The following MED17 variants were observed in gnomAD, a reference collection of about 807,000 sequenced individuals.
MED17 encodes mediator of RNA polymerase II transcription subunit 17.
MED17 carries 49 observed loss-of-function variants against 80.8 expected under a neutral mutation model. That is an observed-to-expected ratio of 0.61 (90% CI 0.48 to 0.77). The LOEUF (loss-of-function observed/expected upper bound fraction) is 0.77. Among genes scored for constraint, MED17 ranks in the 30% least tolerant of loss-of-function variants. The pLI is 0.00. For synonymous variants in MED17, 281 were observed against 280.4 expected (o/e 1.00, Z -0.02); for missense variants, 718 against 787.0 (o/e 0.91, Z 1.05).
chr11:93,805,869 C>T (rs994894967), intron 9 of MED17, among the ~76,000 whole-genome samples: 7 of 150,648 alleles, frequency 4.6e-5, no homozygotes, highest in African/African-American at 4.9e-5. Flanking sequence ...GAGGCTGAGG[C>T]GGGAGGATCA....
chr11:93,799,455 C>T (rs927901486), intron 8 of MED17, among the ~76,000 whole-genome samples: 1 of 152,108 alleles, frequency 6.6e-6, no homozygotes, highest in Non-Finnish European at 1.5e-5. Context: ...GGATTACAGG[C>T]GTGGGCCACC....
At chr11:93,791,771 A>G (rs928722530) in intron 3 of MED17, among the ~76,000 whole-genome samples, 3 of 152,146 alleles carry the variant, frequency 2.0e-5, no homozygotes, top group Admixed American at 6.6e-5. Context: ...AAAACAAACA[A>G]ACAAAAAAAC....
chr11:93,808,398 T>C (rs967458689), intron 10 of MED17: 5 of 148,344 alleles, frequency 3.4e-5, no homozygotes, highest in Non-Finnish European at 7.4e-5. Flanking sequence ...AAAAAGGTGA[T>C]GTGTTCTAGT....
intron 1 of MED17, among the ~76,000 whole-genome samples, chr11:93,786,438 C>T (rs1943770927): frequency 6.6e-6 from 1 of 151,894 alleles, no homozygotes; most frequent in South Asian, 2.1e-4. Flanking sequence ...TTAATATGTG[C>T]CAACATTTAA....
At chr11:93,809,229 A>G in intron 10 of MED17, 1 of 264,424 alleles carries the variant, frequency 3.8e-6, no homozygotes, top group Non-Finnish European at 7.4e-6. Flanking sequence ...CAACCAGCCT[A>G]GACAACCTCA....
intron 7 of MED17, chr11:93,796,972 G>T: frequency 4.3e-6 from 1 of 235,126 alleles, no homozygotes; most frequent in Admixed American, 5.2e-5. Context: ...AAATTTCATA[G>T]AATTATATAT....
Position 93,807,655 on chromosome 11 carries a change from TCTTAAGCCCC to T in MED17, c.1584+24_1584+33del. 1.4e-6 allele frequency: 2 copies of T among 1,386,758 alleles called. No individual in the cohort carries two copies. Among genetic ancestry groups the T allele is most frequent in the Non-Finnish European group, 2.1e-6 (2 of 973,226 alleles). 85.9% of individuals were successfully genotyped at this position (1,386,758 alleles called of 1,614,324 possible). A position where few individuals can be genotyped will look rare whatever the true frequency, so the allele number is the denominator to read the frequency against. ...TCTCAGGTAACAGTTGCAGATTTTG[TCTTAAGCCCC>T]CTTCTTCGCATAGCTACTTAAAGAA... On this transcript the variant is annotated intron_variant, in intron 10 of 11. Transcript: ENST00000251871.
At chr11:93,803,280 A>G (rs921509052) in intron 9 of MED17, among the ~76,000 whole-genome samples, 2 of 152,206 alleles carry the variant, frequency 1.3e-5, no homozygotes, top group Admixed American at 1.3e-4. Flanking sequence ...GATTTTTCCT[A>G]TGTACAGTCA....
At position 93,793,711 on chromosome 11, in the gene MED17, T is replaced by G; in HGVS notation, c.638-17T>G. 6.6e-7 allele frequency: 1 copy of G among 1,520,282 alleles called. No homozygotes were observed. Among genetic ancestry groups the G allele is most frequent in the South Asian group, 1.1e-5 (1 of 88,724 alleles). The allele number at this position is 1,520,282 out of a possible 1,614,324, so 94.2% of individuals were successfully genotyped here. A position where few individuals can be genotyped will look rare whatever the true frequency, so the allele number is the denominator to read the frequency against. On this transcript the variant is annotated splice_polypyrimidine_tract_variant and intron_variant, in intron 3 of 11. Transcript: ENST00000251871. ...TGTTAACTGTTTTATATTTTCCTATTTTTAATACAACATTAGGATCTCTCT... is the reference window on the plus strand; with the variant it reads ...TGTTAACTGTTTTATATTTTCCTATGTTTAATACAACATTAGGATCTCTCT...
At chr11:93,797,195 T>G in intron 7 of MED17, 1 of 269,320 alleles carries the variant, frequency 3.7e-6, no homozygotes. Flanking sequence ...ACTTGTAAAA[T>G]AAAAATTAAA....
chr11:93,792,155 T>C (rs972198046), intron 3 of MED17, among the ~76,000 whole-genome samples: 1 of 152,108 alleles, frequency 6.6e-6, no homozygotes, highest in Non-Finnish European at 1.5e-5. Flanking sequence ...AGGCAAGAAG[T>C]CTTGGCTTTG....
chr11:93,796,512 A>G lies in MED17; in HGVS notation c.1115A>G (p.Glu372Gly). The G allele has an allele frequency of 6.2e-7, 1 of 1,614,124 alleles. No individual in the cohort carries two copies. Reference sequence around the variant, plus strand: ...CCGGAGGACCACCTTTATGTCCTAGAGCATAATTTGCATCTACTGATTAGA... The same window carrying G: ...CCGGAGGACCACCTTTATGTCCTAGGGCATAATTTGCATCTACTGATTAGA... ...QCPEDHLYVL[E>G]HNLHLLIREF... is the part of the protein sequence containing the mutation. Residue 372 changes from glutamate to glycine, a missense_variant, in exon 7 of 12, where the codon GAG (glutamate) becomes GGG (glycine). Coordinates refer to ENST00000251871, the MANE Select transcript of MED17 (RefSeq NM_004268.5).
intron 11 of MED17, chr11:93,810,122 A>G (rs930454727): frequency 2.1e-6 from 1 of 480,614 alleles, no homozygotes; most frequent in African/African-American, 2.0e-5. Context: ...GAAAAGTATC[A>G]TCAGCATTGT....
At chr11:93,802,108 T>G (rs955975093) in intron 9 of MED17, 136 bp downstream of exon 9, 2 of 822,928 alleles carry the variant, frequency 2.4e-6, no homozygotes, top group African/African-American at 3.5e-5. Flanking sequence ...AGCTGTAGAG[T>G]GTTTTTTTTT....
At chr11:93,787,399 C>G (rs1413246930) in intron 1 of MED17, among the ~76,000 whole-genome samples, 2 of 151,230 alleles carry the variant, frequency 1.3e-5, no homozygotes, top group African/African-American at 4.9e-5. Context: ...GGTGACAGAG[C>G]AAGACTTTGT....
Position 93,809,748 on chromosome 11 carries a change from A to T in MED17, c.1616A>T (p.Gln539Leu). The T allele has an allele frequency of 6.2e-7, 1 of 1,614,192 alleles. No individual in the cohort carries two copies. Among genetic ancestry groups the T allele is most frequent in the Non-Finnish European group, 8.5e-7 (1 of 1,180,026 alleles). ...MSQHQVHAVQ[Q>L]LAKVMGWQVL... ...CAGCACCAGGTACATGCAGTTCAGC[A>T]ACTCGCCAAGGTTATGGGCTGGCAA... The change falls in exon 11 of 12, where the codon CAA (glutamine) becomes CTA (leucine). Residue 539 changes from glutamine to leucine, a missense_variant. Gln to Leu is a moderately radical substitution (Grantham distance 113). Transcript: ENST00000251871.
chr11:93,786,124 A>T (rs1170843221), intron 1 of MED17, among the ~76,000 whole-genome samples: 1 of 152,210 alleles, frequency 6.6e-6, no homozygotes, highest in East Asian at 1.9e-4. Context: ...ACAGACTGGG[A>T]GAAGTTCTAC....
At chr11:93,787,578 C>A (rs548870177) in intron 1 of MED17, among the ~76,000 whole-genome samples, 2 of 152,172 alleles carry the variant, frequency 1.3e-5, no homozygotes, top group African/African-American at 2.4e-5. Flanking sequence ...TATTTAATCA[C>A]AATACTTTTT....
At chr11:93,796,691 G>A in intron 7 of MED17, 151 bp downstream of exon 7, 1 of 929,276 alleles carries the variant, frequency 1.1e-6, no homozygotes, top group Non-Finnish European at 1.7e-6. Context: ...TGTGCTAGGG[G>A]AATACAGAGA....
Sources: allele counts gnomAD v4.1 joint callset (sites outside exome capture counted in the v4.1 genomes callset), GRCh38; gene constraint gnomAD v4.1.1; transcripts MANE v1.5; gene names NCBI Gene and HGNC (gene_info 2026-07-23, HGNC 2026-07-21).